The following CACNA2D3 variants were observed in gnomAD, a reference collection of about 807,000 sequenced individuals.
CACNA2D3 encodes the protein voltage-dependent calcium channel subunit alpha-2/delta-3.
CACNA2D3 carries 60 observed loss-of-function variants against 160.6 expected under a neutral mutation model. The ratio of observed to expected loss-of-function variants is 0.37; its 90% CI spans 0.30 to 0.46. CACNA2D3 has a LOEUF of 0.46. Ranked by LOEUF, CACNA2D3 falls within the 20% of genes least tolerant of loss-of-function variation. The pLI is 1.00. For missense variants in CACNA2D3, 1,205 were observed against 1,365.0 expected, an observed-to-expected ratio of 0.88 and a Z score of 1.85; for synonymous variants, 558 against 492.9, an observed-to-expected ratio of 1.13 and a Z score of -1.75.
chr3:54,799,811 T>A (rs937119293), intron 13 of CACNA2D3, among the ~76,000 whole-genome samples: 3 of 152,152 alleles, frequency 2.0e-5, no homozygotes, highest in African/African-American at 7.2e-5. Context: ...GCAAGTCCCA[T>A]GTCTGTCCCA....
chr3:54,807,545 T>A (rs1415548604), intron 13 of CACNA2D3, among the ~76,000 whole-genome samples: 1 of 151,922 alleles, frequency 6.6e-6, no homozygotes, highest in African/African-American at 2.4e-5. Context: ...CATTTAAAAG[T>A]CAGGAAACAA....
intron 14 of CACNA2D3, among the ~76,000 whole-genome samples, chr3:54,819,896 C>G (rs1703548761): frequency 1.3e-5 from 2 of 152,148 alleles, no homozygotes; most frequent in Non-Finnish European, 2.9e-5. Flanking sequence ...ACTGCACCTT[C>G]TTCATGTAGT....
chr3:54,358,858 A>C (rs1323220267), intron 3 of CACNA2D3, among the ~76,000 whole-genome samples: 3 of 152,156 alleles, frequency 2.0e-5, no homozygotes, highest in Non-Finnish European at 2.9e-5. Flanking sequence ...AATTAATTTT[A>C]ATGGTTTATA....
rs139191980 is a variant in CACNA2D3 at position 55,074,440 on chromosome 3, T to TAATC, written c.*236_*239dup. 0.012 allele frequency: 6,450 copies of TAATC among 531,430 alleles called. 61 individuals carry two copies. The highest frequency in any genetic ancestry group is 0.017 in the Middle Eastern group (39 of 2,252). 32.9% of individuals were successfully genotyped at this position (531,430 alleles called of 1,614,324 possible). ...ATGCAAATGTGAGTTTGCCACATGA[T>TAATC]AATCACCCTTCATCAGAAATGGGAC... On this transcript the variant is annotated 3_prime_UTR_variant, in exon 38 of 38. Transcript: ENST00000474759.
intron 17 of CACNA2D3, among the ~76,000 whole-genome samples, chr3:54,849,644 A>C (rs1252494337): frequency 1.3e-5 from 2 of 151,584 alleles, no homozygotes; most frequent in African/African-American, 4.9e-5. Context: ...CCTCATTCAA[A>C]CTCCATTTGT....
chr3:54,542,482 A>T (rs773811298), intron 5 of CACNA2D3, among the ~76,000 whole-genome samples: 6 of 152,200 alleles, frequency 3.9e-5, no homozygotes, highest in Non-Finnish European at 7.3e-5. Flanking sequence ...TCAAAACCTC[A>T]CAAGTAGGGA....
intron 17 of CACNA2D3, among the ~76,000 whole-genome samples, chr3:54,846,856 G>A (rs1436409857): frequency 2.0e-5 from 3 of 152,256 alleles, no homozygotes; most frequent in Admixed American, 1.3e-4. Context: ...AATTTGACAC[G>A]ATAAATTAGA....
intron 2 of CACNA2D3, among the ~76,000 whole-genome samples, chr3:54,301,813 A>G (rs932425402): frequency 1.3e-5 from 2 of 152,150 alleles, no homozygotes; most frequent in Admixed American, 1.3e-4. Flanking sequence ...TTCCCTTGAA[A>G]CTATGTTGAT....
intron 27 of CACNA2D3, among the ~76,000 whole-genome samples, chr3:54,914,121 G>A (rs957605157): frequency 6.6e-6 from 1 of 152,148 alleles, no homozygotes; most frequent in African/African-American, 2.4e-5. Flanking sequence ...TTATAAGTCT[G>A]CAGTTAATTC....
chr3:55,030,923 G>A (rs6775377), intron 35 of CACNA2D3, among the ~76,000 whole-genome samples: 22 of 152,042 alleles, frequency 1.4e-4, no homozygotes, highest in African/African-American at 4.4e-4. Flanking sequence ...TGAGAGGGGC[G>A]CATGTCTATA....
chr3:54,553,618 CTG>C (rs1274316421), intron 5 of CACNA2D3, among the ~76,000 whole-genome samples: 1 of 152,208 alleles, frequency 6.6e-6, no homozygotes, highest in African/African-American at 2.4e-5. Context: ...GTCTCTAATT[CTG>C]TGTTAGCTTA....
chr3:55,015,058 G>A (rs552570047), intron 34 of CACNA2D3, among the ~76,000 whole-genome samples: 1 of 152,306 alleles, frequency 6.6e-6, no homozygotes, highest in South Asian at 2.1e-4. Context: ...AAGGATCAGA[G>A]CCAAATGAGT....
intron 27 of CACNA2D3, among the ~76,000 whole-genome samples, chr3:54,937,841 G>A (rs1490484154): frequency 6.6e-6 from 1 of 152,138 alleles, no homozygotes; most frequent in South Asian, 2.1e-4. Flanking sequence ...AGCACAGAGG[G>A]TGAGGAAGGA....
In CACNA2D3 at chr3:54,591,006, AT is replaced by A. The variant is rs572602909; in HGVS notation, c.963+9137del. Reference sequence around the variant, plus strand: ...TGGAGAAAAGCTCAGACGACAAAGCATTTTTTTTATTAGTATTTGGGGATAT... The same window carrying A: ...TGGAGAAAAGCTCAGACGACAAAGCATTTTTTTATTAGTATTTGGGGATAT... On this transcript the variant is annotated intron_variant, in intron 9 of 37. Coordinates refer to ENST00000474759, the MANE Select transcript of CACNA2D3 (RefSeq NM_018398.3). Among the ~76,000 whole-genome samples the A allele has an allele frequency of 2.8e-3, 422 of 152,074 alleles. 2 individuals are homozygous for A. Among genetic ancestry groups the A allele is most frequent in the African/African-American group, 9.2e-3 (380 of 41,498 alleles).
At chr3:54,135,730 C>G (rs1481359058) in intron 2 of CACNA2D3, among the ~76,000 whole-genome samples, 2 of 152,198 alleles carry the variant, frequency 1.3e-5, no homozygotes, top group Non-Finnish European at 2.9e-5. Flanking sequence ...CTTGCACATT[C>G]CTCCTGAGCC....
At chr3:54,274,061 CTTTG>C (rs746166797) in intron 2 of CACNA2D3, among the ~76,000 whole-genome samples, 3 of 151,976 alleles carry the variant, frequency 2.0e-5, no homozygotes, top group Non-Finnish European at 4.4e-5. Flanking sequence ...TACAGTGTGT[CTTTG>C]TTTGTGTTAG....
At chr3:55,025,781 G>A (rs568998858) in intron 35 of CACNA2D3, among the ~76,000 whole-genome samples, 1 of 152,144 alleles carries the variant, frequency 6.6e-6, no homozygotes, top group Non-Finnish European at 1.5e-5. Context: ...TTTGCACAGT[G>A]TGCTAGCAGC....
At chr3:54,625,770 G>A (rs1025566960) in intron 9 of CACNA2D3, among the ~76,000 whole-genome samples, 1 of 152,160 alleles carries the variant, frequency 6.6e-6, no homozygotes, top group African/African-American at 2.4e-5. Flanking sequence ...TCAATGACTG[G>A]GGGCTCCTAC....
At chr3:54,286,318 A>G (rs1456253129) in intron 2 of CACNA2D3, among the ~76,000 whole-genome samples, 2 of 152,246 alleles carry the variant, frequency 1.3e-5, no homozygotes, top group Non-Finnish European at 2.9e-5. Flanking sequence ...CAACTGGAAG[A>G]AAGGGTATCA....
Sources: gnomAD v4.1 joint callset for allele counts (sites outside exome capture counted in the v4.1 genomes callset) on GRCh38, gnomAD v4.1.1 for gene constraint, MANE v1.5 for transcripts, NCBI Gene and HGNC (gene_info 2026-07-23, HGNC 2026-07-21) for gene names.